RBFOX1: variants seen among roughly 807,000 people sequenced by gnomAD.
RBFOX1 encodes RNA binding protein fox-1 homolog 1.
In RBFOX1, 8 loss-of-function variants were observed where a neutral mutation model predicts 57.7. That is an observed-to-expected ratio of 0.14 (90% CI 0.08 to 0.25). RBFOX1 has a LOEUF of 0.25. RBFOX1 is among the 10% of genes least tolerant of loss of function. The pLI is 1.00. For synonymous variants in RBFOX1, 326 were observed against 222.4 expected, an observed-to-expected ratio of 1.47 and a Z score of -4.15; for missense variants, 611 against 548.5, an observed-to-expected ratio of 1.11 and a Z score of -1.14.
chr16:6,943,351 G>A (rs1037475899), intron 3 of RBFOX1, among the ~76,000 whole-genome samples: 8 of 152,202 alleles, frequency 5.3e-5, no homozygotes, highest in African/African-American at 1.9e-4. Flanking sequence ...CTATATTTGA[G>A]TTCTTGTGGA....
chr16:7,546,382 A>G (rs900251252), intron 5 of RBFOX1, among the ~76,000 whole-genome samples: 1 of 132,290 alleles, frequency 7.6e-6, no homozygotes, highest in Non-Finnish European at 1.7e-5. Context: ...ATAAAATAAT[A>G]AAATAAAATT....
At chr16:5,702,489 C>A (rs758207109) in intron 3 of RBFOX1, among the ~76,000 whole-genome samples, 4 of 152,182 alleles carry the variant, frequency 2.6e-5, no homozygotes, top group Admixed American at 2.0e-4. Context: ...ATTAGCTAGG[C>A]CAGCGAGGAA....
At chr16:7,271,407 A>G (rs559502998) in intron 4 of RBFOX1, among the ~76,000 whole-genome samples, 34 of 152,146 alleles carry the variant, frequency 2.2e-4, no homozygotes, top group African/African-American at 8.2e-4. Flanking sequence ...TTCTACATCT[A>G]AAAATGATCC....
At chr16:6,004,589 T>C (rs561322173) in intron 4 of RBFOX1, among the ~76,000 whole-genome samples, 21 of 152,336 alleles carry the variant, frequency 1.4e-4, no homozygotes, top group Admixed American at 5.2e-4. Flanking sequence ...CAGCTTCTTA[T>C]ATGCTATTCA....
At chr16:7,324,995 G>C (rs2096592833) in intron 4 of RBFOX1, among the ~76,000 whole-genome samples, 1 of 152,020 alleles carries the variant, frequency 6.6e-6, no homozygotes, top group Non-Finnish European at 1.5e-5. Flanking sequence ...TTTTTGTTTG[G>C]GACATAGAAG....
chr16:7,580,245 A>G (rs2093649396), intron 6 of RBFOX1, among the ~76,000 whole-genome samples: 1 of 152,206 alleles, frequency 6.6e-6, no homozygotes, highest in Non-Finnish European at 1.5e-5. Flanking sequence ...GGCCCAGGAC[A>G]TCATACTGCA....
chr16:5,423,574 C>A (rs944196816), intron 1 of RBFOX1, among the ~76,000 whole-genome samples: 3 of 152,094 alleles, frequency 2.0e-5, no homozygotes, highest in Non-Finnish European at 4.4e-5. Flanking sequence ...TCTCTGAGGC[C>A]ATTGCTGCGT....
chr16:6,198,097 C>G (rs1317948257), intron 1 of RBFOX1, among the ~76,000 whole-genome samples: 1 of 152,116 alleles, frequency 6.6e-6, no homozygotes, highest in East Asian at 1.9e-4. Flanking sequence ...ACATATTCAC[C>G]TGGTCCTGTG....
intron 2 of RBFOX1, among the ~76,000 whole-genome samples, chr16:5,555,730 C>T (rs1350922315): frequency 2.0e-5 from 3 of 151,846 alleles, no homozygotes; most frequent in Non-Finnish European, 4.4e-5. Flanking sequence ...TTTGAAAGAC[C>T]CTCTCCCTCG....
At chr16:5,250,751 A>T (rs1167609861) in intron 1 of RBFOX1, among the ~76,000 whole-genome samples, 1 of 152,164 alleles carries the variant, frequency 6.6e-6, no homozygotes, top group Non-Finnish European at 1.5e-5. Context: ...TGGATGCACC[A>T]CGCTTCGTTT....
chr16:7,050,382 C>T (rs760886458), intron 3 of RBFOX1, among the ~76,000 whole-genome samples: 4 of 151,702 alleles, frequency 2.6e-5, no homozygotes, highest in African/African-American at 4.8e-5. Context: ...TCTCCTGCTT[C>T]AGCCAACTGA....
At chr16:7,104,723 A>T (rs150245928) in intron 4 of RBFOX1, among the ~76,000 whole-genome samples, 1 of 152,096 alleles carries the variant, frequency 6.6e-6, no homozygotes, top group Non-Finnish European at 1.5e-5. Flanking sequence ...TAACCAAGGA[A>T]CTCTAATGTT....
chr16:7,545,110 A>T (rs2084056871), intron 5 of RBFOX1, among the ~76,000 whole-genome samples: 1 of 151,488 alleles, frequency 6.6e-6, no homozygotes, highest in Non-Finnish European at 1.5e-5. Context: ...GGCAGGAATT[A>T]TCTTTTTTTC....
chr16:6,243,504 G>A (rs1405615071), intron 1 of RBFOX1, among the ~76,000 whole-genome samples: 1 of 152,076 alleles, frequency 6.6e-6, no homozygotes, highest in Non-Finnish European at 1.5e-5. Context: ...CCACACTCCT[G>A]AGGGAGGCAT....
intron 4 of RBFOX1, among the ~76,000 whole-genome samples, chr16:7,142,379 G>A (rs1039478167): frequency 6.6e-6 from 1 of 152,078 alleles, no homozygotes; most frequent in Non-Finnish European, 1.5e-5. Context: ...CGTGAAATGA[G>A]GTCCATGTCC....
intron 1 of RBFOX1, among the ~76,000 whole-genome samples, chr16:5,324,747 G>A (rs987692181): frequency 5.9e-5 from 9 of 152,188 alleles, no homozygotes; most frequent in African/African-American, 2.2e-4. Context: ...ATAAGTGGGA[G>A]CTAAATGATG....
intron 1 of RBFOX1, among the ~76,000 whole-genome samples, chr16:6,138,927 A>G (rs950300753): frequency 6.6e-5 from 10 of 152,188 alleles, no homozygotes; most frequent in Admixed American, 6.5e-4. Context: ...TATTGGTTAG[A>G]AGCAAATTAC....
intron 2 of RBFOX1, among the ~76,000 whole-genome samples, chr16:6,462,849 T>C (rs967294977): frequency 6.6e-6 from 1 of 152,216 alleles, no homozygotes; most frequent in African/African-American, 2.4e-5. Flanking sequence ...TCTTGACGAC[T>C]AATTATACAC....
intron 3 of RBFOX1, among the ~76,000 whole-genome samples, chr16:6,902,681 C>T (rs1026795184): frequency 1.3e-5 from 2 of 152,160 alleles, no homozygotes; most frequent in Non-Finnish European, 2.9e-5. Flanking sequence ...GAGATTGTGC[C>T]ACTGCACTCC....
Sources: gnomAD v4.1 joint callset for allele counts (sites outside exome capture counted in the v4.1 genomes callset) on GRCh38, gnomAD v4.1.1 for gene constraint, MANE v1.5 for transcripts, NCBI Gene and HGNC (gene_info 2026-07-23, HGNC 2026-07-21) for gene names.